ARSF: variants seen among roughly 807,000 people sequenced by gnomAD.
ARSF encodes the protein arylsulfatase F.
A neutral mutation model predicts 35.4 loss-of-function variants in ARSF; 33 were observed. The observed-to-expected ratio is 0.93, with a 90% CI of 0.71 to 1.25. The LOEUF (loss-of-function observed/expected upper bound fraction) is 1.25. Ranked by LOEUF, ARSF falls within the 50% of genes most tolerant of loss-of-function variation. The pLI is 0.00. For synonymous variants in ARSF, 222 were observed against 193.1 expected, an observed-to-expected ratio of 1.15 and a Z score of -1.24; for missense variants, 501 against 480.2, an observed-to-expected ratio of 1.04 and a Z score of -0.40.
intron 6 of ARSF, among the ~76,000 whole-genome samples, chrX:3,085,313 A>G (rs1001708244): frequency 9.3e-6 from 1 of 106,995 alleles, no homozygotes; most frequent in African/African-American, 3.4e-5. Flanking sequence ...TATATATATA[A>G]TATATTTTAT....
At chrX:3,102,689 C>T (rs1000650043) in intron 8 of ARSF, among the ~76,000 whole-genome samples, 5 of 111,681 alleles carry the variant, frequency 4.5e-5, no homozygotes, top group Non-Finnish European at 7.5e-5. Context: ...CTGAGGCAGG[C>T]GGATCACAAG....
At chrX:3,093,932 C>T (rs1162778570) in intron 7 of ARSF, among the ~76,000 whole-genome samples, 3 of 111,525 alleles carry the variant, frequency 2.7e-5, no homozygotes, top group African/African-American at 6.5e-5. Context: ...TTATTGGGTT[C>T]GTGCAAAAGT....
At chrX:3,042,380 T>G (rs978394130) in intron 1 of ARSF, among the ~76,000 whole-genome samples, 1 of 112,236 alleles carries the variant, frequency 8.9e-6, no homozygotes, top group African/African-American at 3.2e-5. Flanking sequence ...AGTTAAATAA[T>G]AGATATTCAC....
chrX:3,086,738 A>G (rs1470050557), intron 6 of ARSF, among the ~76,000 whole-genome samples: 1 of 111,730 alleles, frequency 9.0e-6, no homozygotes, highest in Non-Finnish European at 1.9e-5. Context: ...GGATTAGTTG[A>G]GCCTGGGAGG....
chrX:3,091,552 A>G (rs2090290138), intron 7 of ARSF, among the ~76,000 whole-genome samples: 1 of 113,148 alleles, frequency 8.8e-6, no homozygotes, highest in Admixed American at 9.4e-5. Context: ...ATGTCACTAA[A>G]TAGAAAGACG....
intron 1 of ARSF, among the ~76,000 whole-genome samples, chrX:3,059,633 T>C (rs927939729): frequency 8.9e-6 from 1 of 112,666 alleles, no homozygotes; most frequent in Non-Finnish European, 1.9e-5. Context: ...CAGGAGATTA[T>C]ATCCTGCACC....
chrX:3,068,686 A>G (rs2090082833), intron 2 of ARSF, among the ~76,000 whole-genome samples: 1 of 112,077 alleles, frequency 8.9e-6, no homozygotes, highest in African/African-American at 3.2e-5. Flanking sequence ...CAGCCTCTCA[A>G]AGTGCTGGGA....
intron 10 of ARSF, among the ~76,000 whole-genome samples, chrX:3,111,796 C>A (rs1478262677): frequency 9.2e-6 from 1 of 109,212 alleles, no homozygotes; most frequent in Non-Finnish European, 1.9e-5. Context: ...ATGGTCCCAT[C>A]TGGGGGTGAT....
intron 1 of ARSF, among the ~76,000 whole-genome samples, chrX:3,045,433 G>C (rs1436990534): frequency 9.0e-6 from 1 of 111,504 alleles, no homozygotes; most frequent in Non-Finnish European, 1.9e-5. Flanking sequence ...TGAGGAGGCA[G>C]TGTATGATTT....
chrX:3,057,013 C>G (rs1468903828), intron 1 of ARSF, among the ~76,000 whole-genome samples: 2 of 111,448 alleles, frequency 1.8e-5, no homozygotes, highest in Non-Finnish European at 3.8e-5. Context: ...GTCAGATGCT[C>G]AGGTGGGATT....
At chrX:3,102,220 G>A (rs1281081375) in intron 8 of ARSF, among the ~76,000 whole-genome samples, 1 of 111,196 alleles carries the variant, frequency 9.0e-6, no homozygotes, top group Non-Finnish European at 1.9e-5. Flanking sequence ...TGAGATTTTA[G>A]TGCACCGTCA....
intron 1 of ARSF, among the ~76,000 whole-genome samples, chrX:3,062,785 C>T (rs1359245335): frequency 9.0e-6 from 1 of 111,639 alleles, no homozygotes; most frequent in East Asian, 2.8e-4. Context: ...AGACCAATAA[C>T]AGGCTCTGAA....
At chrX:3,043,831 G>A (rs2089964640) in intron 1 of ARSF, among the ~76,000 whole-genome samples, 1 of 111,311 alleles carries the variant, frequency 9.0e-6, no homozygotes. Flanking sequence ...ACCCAGGCTG[G>A]AGCGCAGTGG....
At position 3,084,482 on chromosome X, in the gene ARSF, T is replaced by C; in HGVS notation, c.646T>C (p.Trp216Arg). The change falls in exon 6 of 11, where the codon TGG becomes CGG. Residue 216 changes from tryptophan to arginine, a missense_variant. Trp to Arg is a moderately radical substitution (Grantham distance 101). Coordinates refer to ENST00000381127, the MANE Select transcript of ARSF (RefSeq NM_001201539.2). ...GKLSGWVSVP[W>R]LLIFSMILFI... ...GCTGAGCGGCTGGGTCTCTGTTCCCTGGCTCCTGATCTTCTCCATGATTCT... is the reference window on the plus strand; with the variant it reads ...GCTGAGCGGCTGGGTCTCTGTTCCCCGGCTCCTGATCTTCTCCATGATTCT... 8.3e-7 allele frequency: 1 copy of C among 1,211,522 alleles called. No homozygotes were observed. Among genetic ancestry groups the C allele is most frequent in the Non-Finnish European group, 1.1e-6 (1 of 895,530 alleles).
Position 3,112,299 on chromosome X carries a change from C to T in ARSF, c.1516C>T (p.Leu506Phe). The T allele has an allele frequency of 8.3e-7, 1 of 1,211,049 alleles. No individual in the cohort carries two copies. ...EQVTYHNPPL[L>F]FDLSRDPSES... ...GGTTACCTACCACAACCCCCCTCTG[C>T]TCTTCGATCTCTCCAGGGACCCCTC... Residue 506 changes from leucine (L) to phenylalanine (F), a missense_variant, in exon 11 of 11, where the codon CTC becomes TTC. Physicochemically the swap from Leu to Phe is conservative, Grantham distance 22 (BLOSUM62 0). Coordinates refer to ENST00000381127, the MANE Select transcript of ARSF (RefSeq NM_001201539.2).
rs1172455963 is a variant in ARSF, at chrX:3,102,867, G to A, written c.1103-895G>A. Among the ~76,000 whole-genome samples the A allele has an allele frequency of 8.2e-5, 9 of 109,376 alleles. No individual in the cohort carries two copies. The South Asian group carries it at 1.2e-3, about 14-fold the overall frequency. 95.0% of individuals were successfully genotyped at this position (109,376 alleles called of 115,157 possible). ...GCGGAGGTTGCAGTGAGCCGCGATAGCACCACTGCACTCCAGCCTGGCAAC... is the reference window on the plus strand; with the variant it reads ...GCGGAGGTTGCAGTGAGCCGCGATAACACCACTGCACTCCAGCCTGGCAAC... On this transcript the variant is annotated intron_variant, in intron 8 of 10. Transcript: ENST00000381127.
At chrX:3,071,840 C>T (rs1465790127) in intron 2 of ARSF, among the ~76,000 whole-genome samples, 186 bp from the exon 3 acceptor site, 1 of 111,495 alleles carries the variant, frequency 9.0e-6, no homozygotes, top group African/African-American at 3.3e-5. Flanking sequence ...TAACGCATTA[C>T]GTTGGGCACT....
At chrX:3,055,554 C>T in intron 1 of ARSF, among the ~76,000 whole-genome samples, 1 of 110,698 alleles carries the variant, frequency 9.0e-6, no homozygotes, top group Non-Finnish European at 1.9e-5. Flanking sequence ...TGAATGCTGT[C>T]TGCAGACAGC....
At chrX:3,108,132 A>G (rs150374284) in intron 9 of ARSF, among the ~76,000 whole-genome samples, 1 of 112,054 alleles carries the variant, frequency 8.9e-6, no homozygotes, top group African/African-American at 3.2e-5. Context: ...GTGTTGGTCA[A>G]TTCCTGGACT....
Sources: gnomAD v4.1 joint callset for allele counts (sites outside exome capture counted in the v4.1 genomes callset) on GRCh38, gnomAD v4.1.1 for gene constraint, MANE v1.5 for transcripts, NCBI Gene and HGNC (gene_info 2026-07-23, HGNC 2026-07-21) for gene names.